RDH5: variants seen among roughly 807,000 people sequenced by gnomAD.
RDH5 encodes 11-cis RDH.
In RDH5, 25 loss-of-function variants were observed where a neutral mutation model predicts 24.0. The ratio of observed to expected loss-of-function variants is 1.04; its 90% CI spans 0.76 to 1.46. The LOEUF is 1.46. Ranked by LOEUF, RDH5 falls within the 40% of genes most tolerant of loss-of-function variation. The probability of loss-of-function intolerance (pLI) is 0.00; values close to 1 mark genes in which losing one functional copy is unlikely to be tolerated. For missense variants in RDH5, 369 were observed against 410.3 expected (o/e 0.90, Z 0.87); for synonymous variants, 170 against 175.2 (o/e 0.97, Z 0.23).
At position 55,721,833 on chromosome 12, in the gene RDH5, A is replaced by T; in HGVS notation, c.455A>T (p.Gln152Leu). 2 of 1,614,126 alleles carry T rather than the reference A, an allele frequency of 1.2e-6. No homozygotes were observed. The highest frequency in any genetic ancestry group is 1.7e-6 in the Non-Finnish European group (2 of 1,180,028). The change falls in exon 3 of 5, where the codon CAG becomes CTG. Residue 152 changes from glutamine (Q) to leucine (L), a missense_variant. Coordinates refer to ENST00000257895, the MANE Select transcript of RDH5 (RefSeq NM_002905.5). This position sits in a 1 kb window ranked among gnomAD's most constrained non-coding sequence, Gnocchi z 4.7. ...GVTLALLPLL[Q>L]QARGRVINIT... Reference sequence around the variant, plus strand: ...ACCCTTGCCCTGCTGCCTCTGCTGCAGCAAGCCCGGGGCCGGGTGATCAAC... The same window carrying T: ...ACCCTTGCCCTGCTGCCTCTGCTGCTGCAAGCCCGGGGCCGGGTGATCAAC...
In RDH5 at chr12:55,723,873, GC is replaced by G. The variant is rs1377274647; in HGVS notation, c.570-9del. On this transcript the variant is annotated splice_polypyrimidine_tract_variant and intron_variant, in intron 3 of 4. Coordinates refer to ENST00000257895, the MANE Select transcript of RDH5 (RefSeq NM_002905.5). Reference sequence around the variant, plus strand: ...GGCAAGAACCCAGCAACTTCGCTCTGCCCCGACTCTAGGCGGGATGTAGCTC... The same window carrying G: ...GGCAAGAACCCAGCAACTTCGCTCTGCCCGACTCTAGGCGGGATGTAGCTC... 4 of 1,612,922 alleles carry G rather than the reference GC, an allele frequency of 2.5e-6. No individual in the cohort carries two copies. In the Admixed American group the frequency reaches 5.0e-5, roughly 20 times the overall value.
In RDH5 at chr12:55,724,261, G is replaced by GTACC. The variant is rs570871726; in HGVS notation, c.734-58_734-55dup. The GTACC allele has an allele frequency of 4.1e-5, 65 of 1,588,354 alleles. 1 individual carries two copies. Among genetic ancestry groups the GTACC allele is most frequent in the South Asian group, 1.4e-4 (13 of 89,940 alleles). On this transcript the variant is annotated intron_variant, in intron 4 of 4. Coordinates refer to ENST00000257895, the MANE Select transcript of RDH5 (RefSeq NM_002905.5). Reference sequence around the variant, plus strand: ...GACAAGCCCAGGGCCCCAGAAGACAGTACCTAAGATGGGCTGGAGTGAGGA... The same window carrying GTACC: ...GACAAGCCCAGGGCCCCAGAAGACAGTACCTACCTAAGATGGGCTGGAGTGAGGA...
Position 55,721,309 on chromosome 12 carries a change from G to A in RDH5, c.125G>A (p.Arg42His), listed in dbSNP as rs369746580. 43 of 1,614,060 alleles carry A rather than the reference G, an allele frequency of 2.7e-5. No individual in the cohort carries two copies. Among genetic ancestry groups the A allele is most frequent in the African/African-American group, 4.0e-5 (3 of 75,058 alleles). The change falls in exon 2 of 5, where the codon CGC (arginine) becomes CAC (histidine). Residue 42 changes from arginine (R) to histidine (H), a missense_variant. By Grantham distance (29) the Arg-to-His change is conservative (BLOSUM62 0). Transcript: ENST00000257895. This position sits in a 1 kb window ranked among gnomAD's most constrained non-coding sequence, Gnocchi z 4.7. ...FITGCDSGFG[R>H]LLALQLDQRG... ...ACCGGCTGTGACTCAGGCTTTGGGC[G>A]CCTTCTGGCACTGCAGCTGGACCAG...
Position 55,724,634 on chromosome 12 carries a change from C to T in RDH5, c.*89C>T. On this transcript the variant is annotated 3_prime_UTR_variant, in exon 5 of 5. Transcript: ENST00000257895. ...CCCTGGTACTGCCTGGTGCCTGCCACAAAATAAGCACTAACAAAAGTGTAT... is the reference window on the plus strand; with the variant it reads ...CCCTGGTACTGCCTGGTGCCTGCCATAAAATAAGCACTAACAAAAGTGTAT... 1.7e-6 allele frequency: 2 copies of T among 1,151,262 alleles called. No individual in the cohort carries two copies. The allele number at this position is 1,151,262 out of a possible 1,614,324, so 71.3% of individuals were successfully genotyped here.
At chr12:55,720,883 CAAAAAAAAAAAA>C (rs4016511) in intron 1 of RDH5, 5 of 100,402 alleles carry the variant, frequency 5.0e-5, no homozygotes, top group East Asian at 2.4e-4. Context: ...GACTCCATCT[CAAAAAAAAAAAA>C]AAAAAAAAAA....
At chr12:55,720,942 G>A (rs1876882644) in intron 1 of RDH5, among the ~76,000 whole-genome samples, 1 of 150,774 alleles carries the variant, frequency 6.6e-6, no homozygotes, top group African/African-American at 2.5e-5. Flanking sequence ...CTGTACACAG[G>A]ATCTGGCTCA....
rs1229631783 is a variant in RDH5 at position 55,724,611 on chromosome 12, C to T, written c.*66C>T. Reference sequence around the variant, plus strand: ...ACTTTGATTTATTTCTGCCCCCACCCTGGTACTGCCTGGTGCCTGCCACAA... The same window carrying T: ...ACTTTGATTTATTTCTGCCCCCACCTTGGTACTGCCTGGTGCCTGCCACAA... On this transcript the variant is annotated 3_prime_UTR_variant, in exon 5 of 5. Transcript: ENST00000257895. The T allele has an allele frequency of 2.2e-6, 3 of 1,339,198 alleles. No individual in the cohort carries two copies. In the East Asian group the frequency reaches 7.0e-5, roughly 31 times the overall value. 83.0% of individuals were successfully genotyped at this position (1,339,198 alleles called of 1,614,324 possible). A position where few individuals can be genotyped will look rare whatever the true frequency, so the allele number is the denominator to read the frequency against.
At chr12:55,722,780 C>T (rs944460880) in intron 3 of RDH5, 1 of 152,102 alleles carries the variant, frequency 6.6e-6, no homozygotes, top group African/African-American at 2.4e-5. Flanking sequence ...TCAGGTGATC[C>T]ACCCGACCCG....
Position 55,724,534 on chromosome 12 carries a change from G to A in RDH5, c.946G>A (p.Ala316Thr). Residue 316 changes from alanine to threonine, a missense_variant, in exon 5 of 5, where the codon GCA becomes ACA. Transcript: ENST00000257895. ...CTGGGTCCTTCCCAAGCCTGCCCAAGCAGTCTACTGAATCCAGCCTTCCAG... is the reference window on the plus strand; with the variant it reads ...CTGGGTCCTTCCCAAGCCTGCCCAAACAGTCTACTGAATCCAGCCTTCCAG... ...LTWVLPKPAQ[A>T]VY is the part of the protein sequence containing the mutation. 2 of 1,611,248 alleles carry A rather than the reference G, an allele frequency of 1.2e-6. No homozygotes were observed. The highest frequency in any genetic ancestry group is 8.5e-7 in the Non-Finnish European group (1 of 1,179,966).
At position 55,721,327 on chromosome 12, in the gene RDH5, T is replaced by TC; in HGVS notation, c.143_144insC (p.Asp49GlyfsTer37). 6.2e-7 allele frequency: 1 copy of TC among 1,614,100 alleles called. No homozygotes were observed. The highest frequency in any genetic ancestry group is 8.5e-7 in the Non-Finnish European group (1 of 1,180,038). ...TTTGGGCGCCTTCTGGCACTGCAGC[T>TC]GGACCAGAGAGGCTTCCGAGTCCTG... On this transcript the variant is annotated frameshift_variant, in exon 2 of 5. Coordinates refer to ENST00000257895, the MANE Select transcript of RDH5 (RefSeq NM_002905.5). LOFTEE classifies it high-confidence loss of function. The surrounding 1 kb of genome is among the most constrained non-coding windows in gnomAD (Gnocchi z 4.7).
At chr12:55,723,682 C>G (rs894571940) in intron 3 of RDH5, 15 of 605,522 alleles carry the variant, frequency 2.5e-5, no homozygotes, top group Non-Finnish European at 4.4e-5. Context: ...ACGTGCTGAC[C>G]CCTGCTCTAG....
intron 3 of RDH5, chr12:55,723,264 A>G (rs1358690643): frequency 6.5e-6 from 1 of 153,692 alleles, no homozygotes; most frequent in Non-Finnish European, 1.4e-5. Flanking sequence ...GGTGTGAGCC[A>G]CTGCATACTG....
Position 55,723,790 on chromosome 12 carries a change from G to A in RDH5, c.570-96G>A, listed in dbSNP as rs1381054196. The A allele has an allele frequency of 3.5e-6, 5 of 1,414,824 alleles. No homozygotes were observed. In the African/African-American group the frequency reaches 5.7e-5, roughly 16 times the overall value. The allele number at this position is 1,414,824 out of a possible 1,614,324, so 87.6% of individuals were successfully genotyped here. On this transcript the variant is annotated intron_variant, in intron 3 of 4. Coordinates refer to ENST00000257895, the MANE Select transcript of RDH5 (RefSeq NM_002905.5). ...ATCTCCGTCAAAACTCTTGTCCCTG[G>A]TCTGTGGTAACTTTCTCAGCTCCCC...
rs146059919 is a variant in RDH5, at chr12:55,721,282, T to C, written c.98T>C (p.Ile33Thr). ...SLPASNAFVFITGCDSGFGRL... is the reference protein window; with the variant it reads ...SLPASNAFVFTTGCDSGFGRL... ...CCCGCCAGCAATGCCTTTGTCTTCA[T>C]CACCGGCTGTGACTCAGGCTTTGGG... is the stretch of plus-strand genomic sequence containing the variant. Residue 33 changes from isoleucine to threonine, a missense_variant, in exon 2 of 5, where the codon ATC (isoleucine) becomes ACC (threonine). Physicochemically the swap from Ile to Thr is moderately conservative, Grantham distance 89 (BLOSUM62 -1). Coordinates refer to ENST00000257895, the MANE Select transcript of RDH5 (RefSeq NM_002905.5). The surrounding 1 kb of genome is among the most constrained non-coding windows in gnomAD (Gnocchi z 4.7). 12 of 1,613,996 alleles carry C rather than the reference T, an allele frequency of 7.4e-6. No individual in the cohort carries two copies. Among genetic ancestry groups the C allele is most frequent in the Non-Finnish European group, 9.3e-6 (11 of 1,180,048 alleles).
chr12:55,722,581 G>A (rs1488413640), intron 3 of RDH5: 2 of 151,242 alleles, frequency 1.3e-5, no homozygotes, highest in Non-Finnish European at 2.9e-5. Context: ...TGTTGCCTAG[G>A]CTGGAGTGCA....
In RDH5 at chr12:55,721,620, C is replaced by T. The variant is rs1178687305; in HGVS notation, c.311-69C>T. The T allele has an allele frequency of 1.3e-5, 20 of 1,598,964 alleles. No individual in the cohort carries two copies. In the East Asian group the frequency reaches 4.0e-4, roughly 32 times the overall value. On this transcript the variant is annotated intron_variant, in intron 2 of 4. Transcript: ENST00000257895. This position sits in a 1 kb window ranked among gnomAD's most constrained non-coding sequence, Gnocchi z 4.7. ...TTTGAGGAGAAGCAGTTTTCAGATGCTCCCAGGAAGAAGAGGGAGCTGTGG... is the reference window on the plus strand; with the variant it reads ...TTTGAGGAGAAGCAGTTTTCAGATGTTCCCAGGAAGAAGAGGGAGCTGTGG...
At chr12:55,724,149 C>T (rs1399115297) in intron 4 of RDH5, 100 bp downstream of exon 4, 56 of 1,499,632 alleles carry the variant, frequency 3.7e-5, no homozygotes, top group Non-Finnish European at 4.9e-5. Flanking sequence ...GCACCCAGGG[C>T]AGGGTTGAGG....
Position 55,721,369 on chromosome 12 carries a change from C to T in RDH5, c.185C>T (p.Pro62Leu). The T allele has an allele frequency of 1.9e-6, 3 of 1,613,968 alleles. No individual in the cohort carries two copies. The highest frequency in any genetic ancestry group is 2.5e-6 in the Non-Finnish European group (3 of 1,180,032). Reference protein sequence around the residue: ...GFRVLASCLTPSGAEDLQRVA... With the variant: ...GFRVLASCLTLSGAEDLQRVA... ...CGAGTCCTGGCCAGCTGCCTGACCCCCTCCGGGGCCGAGGACCTGCAGCGG... is the reference window on the plus strand; with the variant it reads ...CGAGTCCTGGCCAGCTGCCTGACCCTCTCCGGGGCCGAGGACCTGCAGCGG... Residue 62 changes from proline (P) to leucine (L), a missense_variant, in exon 2 of 5, where the codon CCC (proline) becomes CTC (leucine). Pro to Leu is a moderately conservative substitution (Grantham distance 98). Coordinates refer to ENST00000257895, the MANE Select transcript of RDH5 (RefSeq NM_002905.5). This position sits in a 1 kb window ranked among gnomAD's most constrained non-coding sequence, Gnocchi z 4.7.
rs548708935 is a variant in RDH5, at chr12:55,723,974, A to T, written c.658A>T (p.Lys220Ter). 3 of 1,614,030 alleles carry T rather than the reference A, an allele frequency of 1.9e-6. No homozygotes were observed. The African/African-American group carries it at 4.0e-5, about 22-fold the overall frequency. The change falls in exon 4 of 5, where the codon AAA becomes TAA. Residue 220 changes from lysine to a stop codon, truncating the protein, a stop_gained. Transcript: ENST00000257895. LOFTEE classifies it high-confidence loss of function. ...TGTGACCAACCTGGAGAGTCTGGAG[A>T]AAACCCTGCAGGCCTGCTGGGCACG... ...TPVTNLESLE[K>*]TLQACWARLP...
Sources: gnomAD v4.1 joint callset for allele counts (sites outside exome capture counted in the v4.1 genomes callset) on GRCh38, gnomAD v4.1.1 for gene constraint, Gnocchi (gnomAD v3.1) non-coding constraint, MANE v1.5 for transcripts, NCBI Gene and HGNC (gene_info 2026-07-23, HGNC 2026-07-21) for gene names.